Variants in ULK4 observed in about 807,000 individuals in gnomAD.
The protein encoded by ULK4 is inactive serine/threonine-protein kinase ULK4.
Under a neutral mutation model 160.6 loss-of-function variants are expected in ULK4, and 133 were observed. The ratio of observed to expected loss-of-function variants is 0.83; its 90% confidence interval spans 0.72 to 0.96. The LOEUF (loss-of-function observed/expected upper bound fraction) is 0.96. Among genes scored for constraint, ULK4 ranks in the 40% least tolerant of loss-of-function variants. The pLI is 0.00. For synonymous variants in ULK4, 534 were observed against 539.8 expected, an observed-to-expected ratio of 0.99 and a Z score of 0.15; for missense variants, 1,580 against 1,499.5, an observed-to-expected ratio of 1.05 and a Z score of -0.89.
chr3:41,397,905 A>G lies in ULK4; in HGVS notation c.3678+174T>C, dbSNP rs568425736. ...AAAGTATGTATATATGCAGATAAAC[A>G]GTATATGACAAATGTCAACAACAGG... On this transcript the variant is annotated intron_variant, in intron 35 of 36. Coordinates refer to ENST00000301831, the MANE Select transcript of ULK4 (RefSeq NM_017886.4). Among the ~76,000 whole-genome samples the G allele has an allele frequency of 2.0e-5, 3 of 152,334 alleles. No individual in the cohort carries two copies. In the East Asian group the frequency reaches 5.8e-4, roughly 29 times the overall value.
chr3:41,865,270 TTAAAAAAAAAAAA>T (rs1479199306), intron 17 of ULK4, among the ~76,000 whole-genome samples: 16 of 65,626 alleles, frequency 2.4e-4, no homozygotes, highest in African/African-American at 8.7e-4. Flanking sequence ...GACTCTGTCT[TTAAAAAAAAAAAA>T]AAAAAAAAAA....
chr3:41,745,503 A>T (rs1470458700), intron 22 of ULK4, among the ~76,000 whole-genome samples: 1 of 151,778 alleles, frequency 6.6e-6, no homozygotes, highest in Non-Finnish European at 1.5e-5. Context: ...TTGAATTTGT[A>T]ATTTAAAAGT....
At chr3:41,280,238 TAGAC>T (rs1242585694) in intron 35 of ULK4, among the ~76,000 whole-genome samples, 1 of 152,172 alleles carries the variant, frequency 6.6e-6, no homozygotes, top group African/African-American at 2.4e-5. Context: ...TTGTCAATAT[TAGAC>T]AGATCAACGA....
intron 35 of ULK4, among the ~76,000 whole-genome samples, chr3:41,298,678 T>C (rs1452002625): frequency 2.0e-5 from 3 of 152,188 alleles, no homozygotes; most frequent in African/African-American, 7.2e-5. Context: ...TTGTGAACTT[T>C]CATGCATATT....
rs371119955 is a variant in ULK4, at chr3:41,372,923, CAAAAT to C, written c.3678+25151_3678+25155del. On this transcript the variant is annotated intron_variant, in intron 35 of 36. Coordinates refer to ENST00000301831, the MANE Select transcript of ULK4 (RefSeq NM_017886.4). ...TCACATGCAAAGACACTCATAGGCT[CAAAAT>C]AAAGGGATGAAGGAAGATTTAGCAA... Among the ~76,000 whole-genome samples, 86 of 152,074 alleles carry C rather than the reference CAAAAT, an allele frequency of 5.7e-4. No homozygotes were observed. In the East Asian group the frequency reaches 0.013, roughly 23 times the overall value.
At chr3:41,651,443 T>C (rs912361650) in intron 30 of ULK4, among the ~76,000 whole-genome samples, 1 of 152,212 alleles carries the variant, frequency 6.6e-6, no homozygotes, top group African/African-American at 2.4e-5. Flanking sequence ...TTAAGTTGAT[T>C]TCCTTGTTTA....
chr3:41,544,281 T>C (rs2086788113), intron 32 of ULK4, among the ~76,000 whole-genome samples: 1 of 152,220 alleles, frequency 6.6e-6, no homozygotes, highest in Admixed American at 6.5e-5. Context: ...GAATGGTCCA[T>C]TCATTTAGCT....
intron 22 of ULK4, among the ~76,000 whole-genome samples, chr3:41,751,019 TG>T (rs2038608271): frequency 4.1e-5 from 1 of 24,648 alleles, no homozygotes; most frequent in Non-Finnish European, 7.8e-5. Flanking sequence ...GGAAGGAGGG[TG>T]GGAAGGAGGG....
At chr3:41,752,774 AATG>A (rs1350880019) in intron 22 of ULK4, among the ~76,000 whole-genome samples, 1 of 152,246 alleles carries the variant, frequency 6.6e-6, no homozygotes, top group African/African-American at 2.4e-5. Flanking sequence ...CAACTGATTT[AATG>A]ATAAGGACAC....
chr3:41,708,615 G>A (rs563238035), intron 25 of ULK4, among the ~76,000 whole-genome samples: 39 of 152,262 alleles, frequency 2.6e-4, no homozygotes, highest in Middle Eastern at 6.8e-3. Context: ...GGGATTACAC[G>A]CCTATAATCC....
intron 5 of ULK4, among the ~76,000 whole-genome samples, chr3:41,929,041 A>T (rs1390530154): frequency 1.3e-5 from 2 of 152,210 alleles, no homozygotes; most frequent in Admixed American, 1.3e-4. Flanking sequence ...TATTAAAAAA[A>T]AAAAAATTTC....
At chr3:41,542,838 G>A (rs1190495835) in intron 32 of ULK4, among the ~76,000 whole-genome samples, 1 of 151,666 alleles carries the variant, frequency 6.6e-6, no homozygotes, top group Admixed American at 6.6e-5. Context: ...CTGATAGTAT[G>A]AAAACAAAGT....
intron 34 of ULK4, among the ~76,000 whole-genome samples, chr3:41,434,842 T>A (rs1374087564): frequency 6.6e-6 from 1 of 152,224 alleles, no homozygotes; most frequent in African/African-American, 2.4e-5. Context: ...TTAGTTTGAA[T>A]TGACTTTTTA....
intron 31 of ULK4, among the ~76,000 whole-genome samples, chr3:41,587,988 C>G (rs2030959579): frequency 6.6e-6 from 1 of 152,096 alleles, no homozygotes. Flanking sequence ...TTAAATACAG[C>G]TTAAGTCAGG....
intron 21 of ULK4, among the ~76,000 whole-genome samples, chr3:41,767,863 G>A (rs570902261): frequency 6.6e-6 from 1 of 152,096 alleles, no homozygotes; most frequent in Admixed American, 6.5e-5. Context: ...ACCTCAAAGG[G>A]ATGAACAAAT....
intron 32 of ULK4, among the ~76,000 whole-genome samples, chr3:41,533,708 A>G (rs1165107891): frequency 1.3e-5 from 2 of 152,200 alleles, no homozygotes; most frequent in Non-Finnish European, 2.9e-5. Context: ...TATATATACT[A>G]TCTGGTGTTC....
intron 34 of ULK4, among the ~76,000 whole-genome samples, chr3:41,427,171 G>C (rs1478628778): frequency 1.3e-5 from 2 of 152,100 alleles, no homozygotes; most frequent in African/African-American, 2.4e-5. Flanking sequence ...AGAAGAAATG[G>C]ATAAATTCCT....
chr3:41,708,591 T>C (rs2036985284), intron 25 of ULK4, among the ~76,000 whole-genome samples: 1 of 152,182 alleles, frequency 6.6e-6, no homozygotes, highest in South Asian at 2.1e-4. Context: ...TCAAGAGATC[T>C]AAAGTAAAGA....
intron 19 of ULK4, among the ~76,000 whole-genome samples, chr3:41,801,970 A>C (rs2040474799): frequency 6.6e-6 from 1 of 152,110 alleles, no homozygotes; most frequent in African/African-American, 2.4e-5. Flanking sequence ...ATCAGAAACA[A>C]TACATACAAA....
Sources: allele counts gnomAD v4.1 joint callset (sites outside exome capture counted in the v4.1 genomes callset), GRCh38; gene constraint gnomAD v4.1.1; transcripts MANE v1.5; gene names NCBI Gene and HGNC (gene_info 2026-07-23, HGNC 2026-07-21).